Variants in CCDC93 observed in about 807,000 individuals in gnomAD.
The protein encoded by CCDC93 is CCC complex scaffolding subunit CCDC93.
Under a neutral mutation model 108.2 loss-of-function variants are expected in CCDC93, and 61 were observed. The ratio of observed to expected loss-of-function variants is 0.56; its 90% CI spans 0.46 to 0.70. The LOEUF is 0.70. CCDC93 is among the 30% of genes least tolerant of loss of function. The probability of loss-of-function intolerance (pLI) is 0.00; values close to 1 mark genes in which losing one functional copy is unlikely to be tolerated. For synonymous variants in CCDC93, 276 were observed against 260.4 expected (o/e 1.06, Z -0.58); for missense variants, 685 against 764.2 (o/e 0.90, Z 1.22).
intron 11 of CCDC93, among the ~76,000 whole-genome samples, chr2:117,961,991 C>T (rs1679411595): frequency 6.6e-6 from 1 of 152,186 alleles, no homozygotes; most frequent in African/African-American, 2.4e-5. Flanking sequence ...ATTAAGATGA[C>T]TTCTAGTGTA....
At chr2:117,932,685 C>T (rs1678383962) in intron 22 of CCDC93, among the ~76,000 whole-genome samples, 1 of 152,232 alleles carries the variant, frequency 6.6e-6, no homozygotes, top group South Asian at 2.1e-4. Flanking sequence ...GGAGCCCTGG[C>T]TCAGCAGCAA....
intron 7 of CCDC93, chr2:117,985,372 C>T (rs1680284942): frequency 1.5e-6 from 1 of 671,926 alleles, no homozygotes; most frequent in South Asian, 6.6e-5. Context: ...AAAGGAAGCA[C>T]AAGGAGACTT....
chr2:117,940,530 G>C (rs992161060), intron 19 of CCDC93, among the ~76,000 whole-genome samples: 1 of 152,198 alleles, frequency 6.6e-6, no homozygotes, highest in African/African-American at 2.4e-5. Context: ...AAAGAAAGAG[G>C]CTCTATTCAG....
In CCDC93 at chr2:118,001,058, C is replaced by A. The variant is rs183930692; in HGVS notation, c.252-126G>T. The A allele has an allele frequency of 4.9e-5, 30 of 611,886 alleles. No individual in the cohort carries two copies. The East Asian group carries it at 6.6e-4, about 14-fold the overall frequency. The allele number at this position is 611,886 out of a possible 1,614,324, so 37.9% of individuals were successfully genotyped here. A position where few individuals can be genotyped will look rare whatever the true frequency, so the allele number is the denominator to read the frequency against. ...CATGCCAGGCTAGTCCAGACCATGA[C>A]AAGTTTCTCCTAGATGACTGCAAAA... On this transcript the variant is annotated intron_variant, in intron 3 of 23. Coordinates refer to ENST00000376300, the MANE Select transcript of CCDC93 (RefSeq NM_019044.5).
chr2:117,993,086 G>A (rs927590743), intron 6 of CCDC93, among the ~76,000 whole-genome samples: 15 of 151,978 alleles, frequency 9.9e-5, no homozygotes, highest in Non-Finnish European at 2.1e-4. Flanking sequence ...AAAGATATTC[G>A]ATTAAGCATT....
chr2:118,014,067 A>G lies in CCDC93; in HGVS notation c.-72T>C. On this transcript the variant is annotated 5_prime_UTR_variant, in exon 1 of 24. Coordinates refer to ENST00000376300, the MANE Select transcript of CCDC93 (RefSeq NM_019044.5). Reference sequence around the variant, plus strand: ...CCGGAGGAAGCTGTCCCTGCCGCGGAGCTGCTACCGGGGTGGAGTACAAAG... The same window carrying G: ...CCGGAGGAAGCTGTCCCTGCCGCGGGGCTGCTACCGGGGTGGAGTACAAAG... The G allele has an allele frequency of 1.3e-6, 2 of 1,559,236 alleles. No individual in the cohort carries two copies. The highest frequency in any genetic ancestry group is 8.7e-7 in the Non-Finnish European group (1 of 1,152,250).
intron 23 of CCDC93, among the ~76,000 whole-genome samples, chr2:117,926,136 T>C (rs1358937683): frequency 3.3e-5 from 5 of 152,044 alleles, no homozygotes; most frequent in Non-Finnish European, 2.9e-5. Context: ...GAGGGAAATT[T>C]ATAGCACTAA....
In CCDC93 at chr2:117,973,956, T is replaced by C. The variant is rs556837097; in HGVS notation, c.840A>G (p.Gly280=). ...TCTGCTTGATCTCAGCAGAGCAGAG[T>C]CCCACAATCTGGCCCACGGAGCTTG... ...LTASSVGQIV[G]LCSAEIKQIV... Residue 280 remains glycine (G), a synonymous_variant, in exon 11 of 24, where the codon GGA becomes GGG. Coordinates refer to ENST00000376300, the MANE Select transcript of CCDC93 (RefSeq NM_019044.5). The C allele has an allele frequency of 3.1e-6, 5 of 1,612,344 alleles. No homozygotes were observed. In the South Asian group the frequency reaches 5.5e-5, roughly 18 times the overall value.
chr2:117,950,267 T>A (rs1679010903), intron 13 of CCDC93: 1 of 985,230 alleles, frequency 1.0e-6, no homozygotes, highest in Non-Finnish European at 1.2e-6. Flanking sequence ...TTAAAAAAGA[T>A]GTATCAATTC....
In CCDC93 at chr2:117,951,248, A is replaced by T. The variant is rs939226789; in HGVS notation, c.1068+1125T>A. On this transcript the variant is annotated intron_variant, in intron 13 of 23. Transcript: ENST00000376300. ...ATCACAGAGGGCTCCCAACCCGCAG[A>T]GCTTGCCATCTAATCCGTAAGGAAC... 5.1e-6 allele frequency: 5 copies of T among 985,322 alleles called. No individual in the cohort carries two copies. In the Admixed American group the frequency reaches 1.8e-4, roughly 36 times the overall value. 61.0% of individuals were successfully genotyped at this position (985,322 alleles called of 1,614,324 possible).
At chr2:118,010,467 ATC>A (rs1200328499) in intron 1 of CCDC93, among the ~76,000 whole-genome samples, 3 of 152,134 alleles carry the variant, frequency 2.0e-5, no homozygotes, top group African/African-American at 7.2e-5. Flanking sequence ...GCTCATAATC[ATC>A]TCTGAGTCCT....
chr2:118,013,851 G>T, intron 1 of CCDC93, 103 bp downstream of exon 1: 1 of 1,013,196 alleles, frequency 9.9e-7, no homozygotes, highest in Non-Finnish European at 1.4e-6. Context: ...GGAAGGGGGC[G>T]GGGCGCCCCT....
chr2:117,986,125 G>GGCT, intron 6 of CCDC93, 56 bp from the exon 7 acceptor site: 2 of 1,012,066 alleles, frequency 2.0e-6, no homozygotes, highest in Non-Finnish European at 3.1e-6. Context: ...CTCCTGAATT[G>GGCT]GCTGCTGGAT....
rs1367576197 is a variant in CCDC93, at chr2:117,915,967, TGTATTG to T, written c.*4370_*4375del. The T allele has an allele frequency of 6.6e-6, 1 of 152,248 alleles. No homozygotes were observed. Among genetic ancestry groups the T allele is most frequent in the African/African-American group, 2.4e-5 (1 of 41,462 alleles). 9.4% of individuals were successfully genotyped at this position (152,248 alleles called of 1,614,324 possible). ...GCCATAATGTATTTAACCATTCCCC[TGTATTG>T]GTGGCACTCTCCAACTTTTTGCTAT... On this transcript the variant is annotated 3_prime_UTR_variant, in exon 24 of 24. Transcript: ENST00000376300.
At chr2:117,949,839 C>T (rs1325261768) in intron 13 of CCDC93, 1 of 985,390 alleles carries the variant, frequency 1.0e-6, no homozygotes, top group African/African-American at 1.7e-5. Flanking sequence ...AAGAGTTTAA[C>T]CTCACAGGCC....
chr2:117,969,994 T>G (rs771529018), intron 11 of CCDC93, among the ~76,000 whole-genome samples: 1 of 152,182 alleles, frequency 6.6e-6, no homozygotes, highest in Non-Finnish European at 1.5e-5. Context: ...ATGATTCCCA[T>G]TGGTATGTGT....
At chr2:118,009,100 G>C (rs1676957227) in intron 1 of CCDC93, 1 of 154,590 alleles carries the variant, frequency 6.5e-6, no homozygotes. Flanking sequence ...GGCCGGCGTG[G>C]GGGCTCACAC....
At chr2:117,966,155 C>G (rs565522179) in intron 11 of CCDC93, among the ~76,000 whole-genome samples, 2 of 152,342 alleles carry the variant, frequency 1.3e-5, no homozygotes, top group South Asian at 4.1e-4. Context: ...TGCCCCATAT[C>G]TGTTGGTAGA....
At chr2:117,933,859 A>G (rs2278081) in intron 22 of CCDC93, among the ~76,000 whole-genome samples, 64,276 of 151,940 alleles carry the variant, frequency 0.42, 14,304 homozygotes, top group Middle Eastern at 0.54. Context: ...CACTCATTCA[A>G]CAAATAGTCC....
Sources: allele counts gnomAD v4.1 joint callset (sites outside exome capture counted in the v4.1 genomes callset), GRCh38; gene constraint gnomAD v4.1.1; transcripts MANE v1.5; gene names NCBI Gene and HGNC (gene_info 2026-07-23, HGNC 2026-07-21).